The following LINGO2 variants were observed in gnomAD, a reference collection of about 807,000 sequenced individuals.
LINGO2 encodes the protein leucine-rich repeat and immunoglobulin-like domain-containing nogo receptor-interacting protein 2.
Under a neutral mutation model 30.6 loss-of-function variants are expected in LINGO2, and 14 were observed. The ratio of observed to expected loss-of-function variants is 0.46; its 90% CI spans 0.30 to 0.72. The LOEUF (loss-of-function observed/expected upper bound fraction) is 0.72, where lower values mean the gene tolerates loss of function less well. LINGO2 is among the 30% of genes least tolerant of loss of function. The probability of loss-of-function intolerance (pLI) is 0.07; values close to 1 mark genes in which losing one functional copy is unlikely to be tolerated. For missense variants in LINGO2, 729 were observed against 751.7 expected, an observed-to-expected ratio of 0.97 and a Z score of 0.35; for synonymous variants, 317 against 288.5, an observed-to-expected ratio of 1.10 and a Z score of -1.00.
At chr9:28,988,244 T>C in the LINGO2 span, among the ~76,000 whole-genome samples, 78,255 of 152,010 alleles carry the variant, frequency 0.51, 21,259 homozygotes, top group Non-Finnish European at 0.6. Context: ...ACAATTGTTA[T>C]ACTTTCCTGA....
At chr9:28,021,547 G>T (rs986512136) in intron 4 of LINGO2, among the ~76,000 whole-genome samples, 1 of 152,044 alleles carries the variant, frequency 6.6e-6, no homozygotes, top group South Asian at 2.1e-4. Flanking sequence ...TATCATTATT[G>T]ATTGTCTGCC....
rs182419835 is a variant in LINGO2 at position 28,343,503 on chromosome 9, A to G, written c.-246+29333T>C. Among the ~76,000 whole-genome samples the G allele has an allele frequency of 2.9e-3, 449 of 152,308 alleles. 7 individuals are homozygous for G. The highest frequency in any genetic ancestry group is 0.01 in the African/African-American group (431 of 41,570). ...CAAATCAACAAAGATTGTTCTGTAT[A>G]CATAGATTGTCCTGTATAAGTACTG... On this transcript the variant is annotated intron_variant, in intron 3 of 5. Transcript: ENST00000379992.
the LINGO2 span, among the ~76,000 whole-genome samples, chr9:28,996,488 C>T: frequency 6.6e-6 from 1 of 152,168 alleles, no homozygotes; most frequent in Non-Finnish European, 1.5e-5. Context: ...CCATCTATGA[C>T]ATTTCATTGC....
chr9:28,549,424 C>T (rs530974114), intron 1 of LINGO2, among the ~76,000 whole-genome samples: 1 of 152,110 alleles, frequency 6.6e-6, no homozygotes, highest in South Asian at 2.1e-4. Context: ...ATGCAATAAA[C>T]ATTGTGGTAG....
intron 4 of LINGO2, among the ~76,000 whole-genome samples, chr9:28,047,800 GTATT>G (rs747361443): frequency 1.4e-4 from 6 of 41,578 alleles, no homozygotes; most frequent in Non-Finnish European, 3.9e-4. Flanking sequence ...AAAGAGCAAA[GTATT>G]TTTTTTACAG....
chr9:28,087,062 C>G (rs1300252646), intron 4 of LINGO2, among the ~76,000 whole-genome samples: 3 of 152,064 alleles, frequency 2.0e-5, no homozygotes, highest in Non-Finnish European at 2.9e-5. Flanking sequence ...CTCTGCTGTA[C>G]CTTTGGACAA....
chr9:29,132,531 T>A, the LINGO2 span, among the ~76,000 whole-genome samples: 42 of 152,252 alleles, frequency 2.8e-4, no homozygotes, highest in African/African-American at 8.7e-4. Context: ...AAGTAACCAA[T>A]GGGAAACCTC....
chr9:28,675,166 C>T (rs1055059688), upstream of LINGO2, among the ~76,000 whole-genome samples: 2 of 152,144 alleles, frequency 1.3e-5, no homozygotes, highest in African/African-American at 4.8e-5. Context: ...TATTATCCCA[C>T]TTCACATATA....
the LINGO2 span, among the ~76,000 whole-genome samples, chr9:28,867,919 C>T: frequency 6.6e-6 from 1 of 152,174 alleles, no homozygotes; most frequent in South Asian, 2.1e-4. Context: ...ATTTGCCCTA[C>T]AATGAAACAA....
At chr9:28,498,343 A>T (rs184997765) in intron 1 of LINGO2, among the ~76,000 whole-genome samples, 32 of 152,236 alleles carry the variant, frequency 2.1e-4, no homozygotes, top group African/African-American at 7.5e-4. Context: ...TTACCTACTT[A>T]AGCCTTAGCA....
intron 4 of LINGO2, among the ~76,000 whole-genome samples, chr9:28,079,924 G>A (rs1027759279): frequency 6.6e-6 from 1 of 152,178 alleles, no homozygotes; most frequent in Non-Finnish European, 1.5e-5. Context: ...TAAATAATAT[G>A]AGCCTCAACT....
chr9:28,263,656 G>A (rs1230353464), intron 4 of LINGO2, among the ~76,000 whole-genome samples: 1 of 152,002 alleles, frequency 6.6e-6, no homozygotes, highest in Non-Finnish European at 1.5e-5. Flanking sequence ...GCATGGAGGA[G>A]TCATAGCCAC....
the LINGO2 span, among the ~76,000 whole-genome samples, chr9:29,083,143 T>C: frequency 6.6e-6 from 1 of 152,206 alleles, no homozygotes; most frequent in Non-Finnish European, 1.5e-5. Context: ...CGTATGTTTA[T>C]TGTGGCACTA....
chr9:28,060,072 T>A (rs1825095746), intron 4 of LINGO2, among the ~76,000 whole-genome samples: 1 of 151,858 alleles, frequency 6.6e-6, no homozygotes, highest in Non-Finnish European at 1.5e-5. Context: ...TAATCACTAT[T>A]ATTACAAAAT....
chr9:28,790,005 T>C, the LINGO2 span, among the ~76,000 whole-genome samples: 4 of 151,288 alleles, frequency 2.6e-5, no homozygotes, highest in African/African-American at 9.9e-5. Flanking sequence ...GGTTTAACTA[T>C]CTGTGGCTTA....
At chr9:28,741,017 C>T in the LINGO2 span, among the ~76,000 whole-genome samples, 1 of 151,842 alleles carries the variant, frequency 6.6e-6, no homozygotes, top group Admixed American at 6.6e-5. Flanking sequence ...GTACCTGGTT[C>T]CCCTGAGATG....
the LINGO2 span, among the ~76,000 whole-genome samples, chr9:29,188,074 T>C: frequency 5.4e-5 from 8 of 148,560 alleles, no homozygotes; most frequent in East Asian, 1.4e-3. Flanking sequence ...AGAGGGGGAT[T>C]TGACAGGGTC....
At chr9:29,055,768 C>T in the LINGO2 span, among the ~76,000 whole-genome samples, 6 of 151,804 alleles carry the variant, frequency 4.0e-5, no homozygotes, top group South Asian at 2.1e-4. Flanking sequence ...CTGATGTCTT[C>T]GCGTCCTCAT....
intron 4 of LINGO2, among the ~76,000 whole-genome samples, chr9:28,231,310 T>G (rs932199836): frequency 6.6e-6 from 1 of 151,992 alleles, no homozygotes; most frequent in African/African-American, 2.4e-5. Context: ...GATTCTTCCC[T>G]ATATAGGAGC....
Sources: gnomAD v4.1 joint callset for allele counts (sites outside exome capture counted in the v4.1 genomes callset) on GRCh38, gnomAD v4.1.1 for gene constraint, MANE v1.5 for transcripts, NCBI Gene and HGNC (gene_info 2026-07-23, HGNC 2026-07-21) for gene names.